The following WDR7 variants were observed in gnomAD, a reference collection of about 807,000 sequenced individuals.
The protein encoded by WDR7 is WD repeat-containing protein 7.
A neutral mutation model predicts 169.4 loss-of-function variants in WDR7; 46 were observed. The ratio of observed to expected loss-of-function variants is 0.27; its 90% CI spans 0.21 to 0.35. The LOEUF (loss-of-function observed/expected upper bound fraction) is 0.35, where lower values mean the gene tolerates loss of function less well. Ranked by LOEUF, WDR7 falls within the 10% of genes least tolerant of loss-of-function variation. WDR7 has a pLI of 1.00. For synonymous variants in WDR7, 612 were observed against 666.8 expected (o/e 0.92, Z 1.27); for missense variants, 1,534 against 1,859.3 (o/e 0.83, Z 3.22).
At chr18:56,688,251 C>G (rs2025485161) in intron 7 of WDR7, among the ~76,000 whole-genome samples, 1 of 152,128 alleles carries the variant, frequency 6.6e-6, no homozygotes, top group Admixed American at 6.5e-5. Context: ...GAGCTTAGAA[C>G]ACAAGGGGAT....
In WDR7 at chr18:57,009,989, G is replaced by A. The variant is rs914709673; in HGVS notation, c.4165-10756G>A. ...TCCCATCATGACGGACATTTACTTA[G>A]GAATGTGATTGCTGTCCAGTGAGTT... On this transcript the variant is annotated intron_variant, in intron 26 of 27. Coordinates refer to ENST00000254442, the MANE Select transcript of WDR7 (RefSeq NM_015285.3). 9.1e-6 allele frequency: 9 copies of A among 985,238 alleles called. No individual in the cohort carries two copies. In the East Asian group the frequency reaches 1.0e-3, roughly 112 times the overall value. The allele number at this position is 985,238 out of a possible 1,614,324, so 61.0% of individuals were successfully genotyped here. A position where few individuals can be genotyped will look rare whatever the true frequency, so the allele number is the denominator to read the frequency against.
At chr18:56,976,161 C>T (rs117990380) in intron 26 of WDR7, among the ~76,000 whole-genome samples, 5,674 of 152,122 alleles carry the variant, frequency 0.037, 127 homozygotes, top group Non-Finnish European at 0.053. Flanking sequence ...TCACTGGTGG[C>T]TGGGTGAAGA....
intron 20 of WDR7, among the ~76,000 whole-genome samples, chr18:56,832,566 C>T (rs181555707): frequency 5.3e-5 from 8 of 152,166 alleles, no homozygotes; most frequent in African/African-American, 1.7e-4. Flanking sequence ...CAGCAGGGGT[C>T]AACAGACACC....
chr18:56,698,558 A>C (rs2025755487), intron 12 of WDR7, among the ~76,000 whole-genome samples: 1 of 151,302 alleles, frequency 6.6e-6, no homozygotes, highest in Non-Finnish European at 1.5e-5. Context: ...GTGAGCTGAG[A>C]TTGCACCACT....
intron 22 of WDR7, among the ~76,000 whole-genome samples, chr18:56,932,877 GTGTGTGT>G (rs1568273737): frequency 0.055 from 3,271 of 59,526 alleles, 113 homozygotes; most frequent in African/African-American, 0.093. Context: ...CATTCTGGGT[GTGTGTGT>G]GTGTGTGTGT....
intron 6 of WDR7, 32 bp downstream of exon 6, chr18:56,686,064 G>C: frequency 1.9e-6 from 3 of 1,550,702 alleles, no homozygotes; most frequent in Non-Finnish European, 1.7e-6. Context: ...TGATTTCTCT[G>C]TTTTTATTCT....
chr18:56,817,494 T>C (rs1442978005), intron 20 of WDR7, among the ~76,000 whole-genome samples: 3 of 152,108 alleles, frequency 2.0e-5, no homozygotes, highest in Admixed American at 2.0e-4. Context: ...ATATTTAAAA[T>C]ACCTATAGCC....
intron 5 of WDR7, among the ~76,000 whole-genome samples, chr18:56,683,470 T>C (rs2025388357): frequency 6.6e-6 from 1 of 152,214 alleles, no homozygotes. Flanking sequence ...GAGCATTCTT[T>C]TACTTTCAAA....
At chr18:56,850,201 G>A (rs1043948972) in intron 20 of WDR7, among the ~76,000 whole-genome samples, 2 of 152,066 alleles carry the variant, frequency 1.3e-5, no homozygotes, top group East Asian at 1.9e-4. Flanking sequence ...ACTTTCTCTG[G>A]TACATAATTC....
In WDR7 at chr18:57,009,610, C is replaced by G. The variant is rs550532895; in HGVS notation, c.4165-11135C>G. The stretch of plus-strand genomic sequence containing the variant: ...AAAATTTCTAAATCTGTAATGTGTC[C>G]TAGTGAATATGTTCTATCATTATCC... On this transcript the variant is annotated intron_variant, in intron 26 of 27. Transcript: ENST00000254442. Among the ~76,000 whole-genome samples, 16 of 152,150 alleles carry G rather than the reference C, an allele frequency of 1.1e-4. No homozygotes were observed. In the South Asian group the frequency reaches 3.1e-3, roughly 30 times the overall value.
chr18:56,843,990 G>A (rs1440429673), intron 20 of WDR7, among the ~76,000 whole-genome samples: 2 of 151,554 alleles, frequency 1.3e-5, no homozygotes, highest in African/African-American at 4.9e-5. Flanking sequence ...AGCCTCCTGA[G>A]TAGCTGGGAT....
chr18:56,728,791 A>G (rs1302621305), intron 13 of WDR7, among the ~76,000 whole-genome samples: 2 of 152,110 alleles, frequency 1.3e-5, no homozygotes, highest in African/African-American at 4.8e-5. Flanking sequence ...TCAGGTTCCA[A>G]CAGTGTCTCT....
intron 26 of WDR7, among the ~76,000 whole-genome samples, chr18:57,005,635 G>A (rs1318013830): frequency 6.6e-6 from 1 of 152,104 alleles, no homozygotes; most frequent in Non-Finnish European, 1.5e-5. Context: ...CCCAAAAATA[G>A]TAGTACTATA....
chr18:56,693,561 GTTTTTTTTTTTGTT>G (rs1041189703), intron 9 of WDR7, among the ~76,000 whole-genome samples: 3 of 98,756 alleles, frequency 3.0e-5, no homozygotes, highest in Admixed American at 1.5e-4. Context: ...AATTTTGTTG[GTTTTTTTTTTTGTT>G]TTTTTTTTTT....
chr18:56,886,000 T>C (rs893591395), intron 21 of WDR7, among the ~76,000 whole-genome samples: 4 of 152,304 alleles, frequency 2.6e-5, no homozygotes, highest in Admixed American at 1.3e-4. Flanking sequence ...TGTTTAAACC[T>C]AAGAATAATT....
chr18:56,781,708 G>A lies in WDR7; in HGVS notation c.3190+52G>A, dbSNP rs78648819. ...AGCTTTGCAGGAATATGTAGAAAAG[G>A]TACCTGTACTCACAAATATATATGC... On this transcript the variant is annotated intron_variant, in intron 19 of 27. Transcript: ENST00000254442. 1,770 of 1,442,090 alleles carry A rather than the reference G, an allele frequency of 1.2e-3. 21 individuals are homozygous for A. In the African/African-American group the frequency reaches 0.023, roughly 19 times the overall value. 89.3% of individuals were successfully genotyped at this position (1,442,090 alleles called of 1,614,324 possible).
intron 26 of WDR7, among the ~76,000 whole-genome samples, chr18:56,971,314 T>C (rs2047482334): frequency 6.6e-6 from 1 of 151,812 alleles, no homozygotes; most frequent in Admixed American, 6.6e-5. Flanking sequence ...ACCCCCACTA[T>C]TGGCCTGTTT....
chr18:56,937,378 A>G (rs1405572450), intron 23 of WDR7, among the ~76,000 whole-genome samples: 1 of 149,242 alleles, frequency 6.7e-6, no homozygotes, highest in Non-Finnish European at 1.5e-5. Flanking sequence ...AATATTATAT[A>G]ATAAAAAATA....
intron 16 of WDR7, among the ~76,000 whole-genome samples, chr18:56,770,798 CT>C (rs1042504672): frequency 1.3e-5 from 2 of 150,886 alleles, no homozygotes; most frequent in South Asian, 2.1e-4. Flanking sequence ...TAAGGATATC[CT>C]TTTTTTTTCC....
Sources: gnomAD v4.1 joint callset for allele counts (sites outside exome capture counted in the v4.1 genomes callset) on GRCh38, gnomAD v4.1.1 for gene constraint, MANE v1.5 for transcripts, NCBI Gene and HGNC (gene_info 2026-07-23, HGNC 2026-07-21) for gene names.